CCDC85A: variants seen among roughly 807,000 people sequenced by gnomAD.
CCDC85A encodes coiled-coil domain containing 85A.
A neutral mutation model predicts 50.2 loss-of-function variants in CCDC85A; 38 were observed. That is an observed-to-expected ratio of 0.76 (90% confidence interval 0.58 to 0.99). The LOEUF (loss-of-function observed/expected upper bound fraction) is 0.99, where lower values mean the gene tolerates loss of function less well. CCDC85A is among the 50% of genes least tolerant of loss of function. CCDC85A has a pLI of 0.00. For missense variants in CCDC85A, 820 were observed against 742.0 expected, an observed-to-expected ratio of 1.11 and a Z score of -1.22; for synonymous variants, 366 against 301.4, an observed-to-expected ratio of 1.21 and a Z score of -2.22.
intron 2 of CCDC85A, among the ~76,000 whole-genome samples, chr2:56,239,993 T>G (rs370640064): frequency 1.3e-5 from 2 of 152,140 alleles, no homozygotes; most frequent in Non-Finnish European, 2.9e-5. Context: ...AAGTTTGAAT[T>G]TTTTTTCAAA....
chr2:56,371,498 A>G (rs900584515), intron 3 of CCDC85A, among the ~76,000 whole-genome samples: 2 of 152,104 alleles, frequency 1.3e-5, no homozygotes, highest in Non-Finnish European at 2.9e-5. Flanking sequence ...CGTATTTTCC[A>G]TAATTAAAAT....
chr2:56,304,370 A>G (rs1573215645), intron 2 of CCDC85A, among the ~76,000 whole-genome samples: 2 of 152,208 alleles, frequency 1.3e-5, no homozygotes, highest in South Asian at 4.1e-4. Context: ...AGAATTTTAA[A>G]TCTGAGGAAT....
Position 56,193,275 on chromosome 2 carries a change from C to A in CCDC85A, c.1075C>A (p.Pro359Thr). The A allele has an allele frequency of 1.2e-6, 2 of 1,613,946 alleles. No individual in the cohort carries two copies. Among genetic ancestry groups the A allele is most frequent in the Non-Finnish European group, 1.7e-6 (2 of 1,179,878 alleles). ...EHLPRARGTSPEHLKQHYGGS... is the reference protein window; with the variant it reads ...EHLPRARGTSTEHLKQHYGGS... The stretch of plus-strand genomic sequence containing the variant: ...TCTCCCCAGAGCCAGGGGCACCAGC[C>A]CGGAGCACCTCAAACAACATTATGG... Residue 359 changes from proline (P) to threonine (T), a missense_variant, in exon 2 of 6, where the codon CCG becomes ACG. Physicochemically the swap from Pro to Thr is conservative, Grantham distance 38. Coordinates refer to ENST00000407595, the MANE Select transcript of CCDC85A (RefSeq NM_001080433.2).
chr2:56,208,391 A>T (rs1414398246), intron 2 of CCDC85A, among the ~76,000 whole-genome samples: 1 of 152,158 alleles, frequency 6.6e-6, no homozygotes, highest in African/African-American at 2.4e-5. Context: ...CCAGATATAC[A>T]CATCAACCGA....
chr2:56,246,383 G>T (rs1191363915), intron 2 of CCDC85A, among the ~76,000 whole-genome samples: 1 of 151,522 alleles, frequency 6.6e-6, no homozygotes, highest in East Asian at 1.9e-4. Flanking sequence ...ATTTTTTGGT[G>T]AAATCCAGTT....
chr2:56,225,110 C>T (rs1478067929), intron 2 of CCDC85A, among the ~76,000 whole-genome samples: 3 of 150,244 alleles, frequency 2.0e-5, no homozygotes, highest in Non-Finnish European at 4.4e-5. Context: ...TCATGAAGTG[C>T]AAATTCATTT....
intron 2 of CCDC85A, among the ~76,000 whole-genome samples, chr2:56,328,710 A>G (rs928322208): frequency 2.0e-5 from 3 of 151,014 alleles, no homozygotes; most frequent in African/African-American, 7.3e-5. Flanking sequence ...ATGATCTTTG[A>G]TTTCTTTTTT....
At chr2:56,240,363 A>C (rs1356065207) in intron 2 of CCDC85A, among the ~76,000 whole-genome samples, 1 of 152,124 alleles carries the variant, frequency 6.6e-6, no homozygotes, top group Non-Finnish European at 1.5e-5. Context: ...AGGGTATTTA[A>C]ACCCCAGAAA....
intron 2 of CCDC85A, among the ~76,000 whole-genome samples, chr2:56,240,174 C>A (rs947672723): frequency 6.6e-6 from 1 of 152,158 alleles, no homozygotes; most frequent in African/African-American, 2.4e-5. Context: ...CTCCCCGTTT[C>A]CCCTTCCTTC....
chr2:56,353,531 C>T (rs1433573893), intron 3 of CCDC85A, among the ~76,000 whole-genome samples: 1 of 152,140 alleles, frequency 6.6e-6, no homozygotes, highest in Non-Finnish European at 1.5e-5. Flanking sequence ...TATACATTTG[C>T]AAAGCTAACA....
chr2:56,310,634 A>C (rs539088960), intron 2 of CCDC85A, among the ~76,000 whole-genome samples: 1 of 152,168 alleles, frequency 6.6e-6, no homozygotes, highest in Non-Finnish European at 1.5e-5. Context: ...CCATTTAAAG[A>C]TGTGCCCCAC....
intron 2 of CCDC85A, among the ~76,000 whole-genome samples, chr2:56,336,338 G>A (rs1456423508): frequency 1.3e-5 from 2 of 151,992 alleles, no homozygotes; most frequent in Non-Finnish European, 2.9e-5. Flanking sequence ...ATTTTTAGTA[G>A]ATACGGGGTT....
chr2:56,222,021 G>A lies in CCDC85A; in HGVS notation c.1240+28581G>A, dbSNP rs144602289. On this transcript the variant is annotated intron_variant, in intron 2 of 5. Coordinates refer to ENST00000407595, the MANE Select transcript of CCDC85A (RefSeq NM_001080433.2). ...CTCCTTTTATAATTAACCCACTCTC[G>A]TGATAATATTCTTAATCCATTCATG... is the stretch of plus-strand genomic sequence containing the variant. Among the ~76,000 whole-genome samples, 7 of 152,088 alleles carry A rather than the reference G, an allele frequency of 4.6e-5. No individual in the cohort carries two copies. The East Asian group carries it at 5.8e-4, about 13-fold the overall frequency.
intron 3 of CCDC85A, among the ~76,000 whole-genome samples, chr2:56,359,868 G>A (rs910770026): frequency 6.6e-6 from 1 of 152,236 alleles, no homozygotes; most frequent in Non-Finnish European, 1.5e-5. Flanking sequence ...AGGTGTTTTA[G>A]TTGGTTGTTT....
At chr2:56,200,834 A>C (rs765307094) in intron 2 of CCDC85A, among the ~76,000 whole-genome samples, 5 of 152,024 alleles carry the variant, frequency 3.3e-5, no homozygotes, top group South Asian at 2.1e-4. Context: ...ATCATTATGG[A>C]AGAATACAAG....
chr2:56,246,738 C>G (rs1214256959), intron 2 of CCDC85A, among the ~76,000 whole-genome samples: 1 of 152,088 alleles, frequency 6.6e-6, no homozygotes, highest in Non-Finnish European at 1.5e-5. Context: ...TTATAATTAG[C>G]TTAGGTTTGA....
At chr2:56,267,782 C>G (rs1670518528) in intron 2 of CCDC85A, among the ~76,000 whole-genome samples, 1 of 152,158 alleles carries the variant, frequency 6.6e-6, no homozygotes, top group South Asian at 2.1e-4. Flanking sequence ...TAGAATTACA[C>G]TTACAATAAA....
At chr2:56,211,774 C>T (rs949747166) in intron 2 of CCDC85A, among the ~76,000 whole-genome samples, 23 of 152,080 alleles carry the variant, frequency 1.5e-4, no homozygotes, top group Admixed American at 9.2e-4. Context: ...GTTACTCAGA[C>T]GCACACAATT....
intron 2 of CCDC85A, among the ~76,000 whole-genome samples, chr2:56,267,976 A>G (rs905396461): frequency 2.6e-5 from 4 of 152,214 alleles, no homozygotes; most frequent in African/African-American, 9.6e-5. Flanking sequence ...GACAAATCTC[A>G]TAGACTTTCT....
Sources: allele counts gnomAD v4.1 joint callset (sites outside exome capture counted in the v4.1 genomes callset), GRCh38; gene constraint gnomAD v4.1.1; transcripts MANE v1.5; gene names NCBI Gene and HGNC (gene_info 2026-07-23, HGNC 2026-07-21).